BCL2: variants seen among roughly 807,000 people sequenced by gnomAD.
BCL2 encodes BCL2 apoptosis regulator.
Under a neutral mutation model 14.2 loss-of-function variants are expected in BCL2, and 1 was observed. The observed-to-expected ratio is 0.07, with a 90% CI of 0.02 to 0.33. The LOEUF (loss-of-function observed/expected upper bound fraction) is 0.33, where lower values mean the gene tolerates loss of function less well. BCL2 is among the 10% of genes least tolerant of loss of function. The pLI is 0.99. For missense variants in BCL2, 247 were observed against 305.9 expected, an observed-to-expected ratio of 0.81 and a Z score of 1.44; for synonymous variants, 151 against 137.2, an observed-to-expected ratio of 1.10 and a Z score of -0.70.
At chr18:63,249,700 A>G (rs917555739) in intron 2 of BCL2, among the ~76,000 whole-genome samples, 2 of 116,556 alleles carry the variant, frequency 1.7e-5, no homozygotes, top group Non-Finnish European at 3.4e-5. Flanking sequence ...ACAGAGTAAG[A>G]CTCCGCCTCA....
At chr18:63,186,176 C>T (rs1455472054) in intron 2 of BCL2, among the ~76,000 whole-genome samples, 2 of 152,170 alleles carry the variant, frequency 1.3e-5, no homozygotes, top group African/African-American at 4.8e-5. Flanking sequence ...ATAGCACTTG[C>T]TTTTCTCTGT....
At chr18:63,130,414 T>C (rs1203873056) in intron 2 of BCL2, among the ~76,000 whole-genome samples, 2 of 152,184 alleles carry the variant, frequency 1.3e-5, no homozygotes, top group Non-Finnish European at 2.9e-5. Flanking sequence ...AGGGATTCTC[T>C]TTGTCTCCCT....
At chr18:63,237,370 G>C (rs1044777969) in intron 2 of BCL2, among the ~76,000 whole-genome samples, 2 of 152,176 alleles carry the variant, frequency 1.3e-5, no homozygotes, top group Non-Finnish European at 2.9e-5. Context: ...TAATAGGGCG[G>C]ATGACCAAGG....
chr18:63,213,526 C>CCCCA (rs138572582), intron 2 of BCL2, among the ~76,000 whole-genome samples: 3 of 147,578 alleles, frequency 2.0e-5, no homozygotes, highest in Non-Finnish European at 4.5e-5. Flanking sequence ...ACACATTAAA[C>CCCCA]CACACACACA....
chr18:63,294,968 C>A (rs201208598), intron 2 of BCL2, among the ~76,000 whole-genome samples: 50 of 146,942 alleles, frequency 3.4e-4, no homozygotes, highest in African/African-American at 1.3e-3. Context: ...CTGGCCAAGA[C>A]GGTGAAACCC....
intron 2 of BCL2, among the ~76,000 whole-genome samples, chr18:63,208,554 A>G (rs1021252774): frequency 6.6e-6 from 1 of 152,102 alleles, no homozygotes; most frequent in Admixed American, 6.5e-5. Flanking sequence ...CAAAGCTGAG[A>G]AGAGGGTAAG....
rs188247470 is a variant in BCL2 at position 63,228,684 on chromosome 18, G to T, written c.585+89398C>A. Among the ~76,000 whole-genome samples the T allele has an allele frequency of 9.7e-3, 1,455 of 149,744 alleles. 18 individuals carry two copies. Among genetic ancestry groups the T allele is most frequent in the African/African-American group, 0.034 (1,379 of 40,752 alleles). The stretch of plus-strand genomic sequence containing the variant: ...AGTGAATGAATAAATGAACGGATCT[G>T]ATAAAACAGACTTTACAGCCAAAAG... On this transcript the variant is annotated intron_variant, in intron 2 of 2. Coordinates refer to ENST00000333681, the MANE Select transcript of BCL2 (RefSeq NM_000633.3).
In BCL2 at chr18:63,145,082, G is replaced by A. The variant is rs1006026623; in HGVS notation, c.586-16323C>T. Among the ~76,000 whole-genome samples, 3 of 152,316 alleles carry A rather than the reference G, an allele frequency of 2.0e-5. No individual in the cohort carries two copies. The East Asian group carries it at 5.8e-4, about 29-fold the overall frequency. Reference sequence around the variant, plus strand: ...TTCAGGAAAAGCCCTCCTATTTACAGGGCTGCTTCACAGGGAATTCTAGAA... The same window carrying A: ...TTCAGGAAAAGCCCTCCTATTTACAAGGCTGCTTCACAGGGAATTCTAGAA... On this transcript the variant is annotated intron_variant, in intron 2 of 2. Coordinates refer to ENST00000333681, the MANE Select transcript of BCL2 (RefSeq NM_000633.3).
rs566496461 is a variant in BCL2 at position 63,304,961 on chromosome 18, A to G, written c.585+13121T>C. On this transcript the variant is annotated intron_variant, in intron 2 of 2. Coordinates refer to ENST00000333681, the MANE Select transcript of BCL2 (RefSeq NM_000633.3). ...AGTCACACATGTTCATCTAATTCCAATTGGCCCCTGTTGAAAGGGGCTGTT... is the reference window on the plus strand; with the variant it reads ...AGTCACACATGTTCATCTAATTCCAGTTGGCCCCTGTTGAAAGGGGCTGTT... Among the ~76,000 whole-genome samples the G allele has an allele frequency of 2.0e-5, 3 of 152,320 alleles. No individual in the cohort carries two copies. The East Asian group carries it at 5.8e-4, about 29-fold the overall frequency.
intron 2 of BCL2, among the ~76,000 whole-genome samples, chr18:63,274,956 A>C (rs1198946941): frequency 6.6e-6 from 1 of 152,168 alleles, no homozygotes; most frequent in Non-Finnish European, 1.5e-5. Flanking sequence ...GGGCCCAAAC[A>C]CCTATTGACC....
intron 2 of BCL2, among the ~76,000 whole-genome samples, chr18:63,256,079 A>T (rs1163087241): frequency 6.6e-6 from 1 of 152,214 alleles, no homozygotes; most frequent in Non-Finnish European, 1.5e-5. Context: ...CATTTAGTCA[A>T]TAATATTCCA....
chr18:63,171,195 A>C (rs1915213110), intron 2 of BCL2, among the ~76,000 whole-genome samples: 1 of 152,236 alleles, frequency 6.6e-6, no homozygotes, highest in African/African-American at 2.4e-5. Flanking sequence ...AGAGTTTACT[A>C]GTGTAATTTT....
intron 2 of BCL2, among the ~76,000 whole-genome samples, chr18:63,270,712 T>A (rs1911980990): frequency 6.6e-6 from 1 of 152,198 alleles, no homozygotes; most frequent in Non-Finnish European, 1.5e-5. Flanking sequence ...TTTTGAACCA[T>A]GATAACATGT....
intron 2 of BCL2, among the ~76,000 whole-genome samples, chr18:63,228,727 T>C (rs75086193): frequency 1.0e-4 from 14 of 136,326 alleles, no homozygotes; most frequent in East Asian, 8.4e-4. Flanking sequence ...TTTTTTTTTT[T>C]GAGACAGAAT....
At chr18:63,163,790 C>T (rs908885847) in intron 2 of BCL2, among the ~76,000 whole-genome samples, 8 of 152,312 alleles carry the variant, frequency 5.3e-5, no homozygotes, top group African/African-American at 1.9e-4. Context: ...CCCCACTTCA[C>T]ACATGAGGAG....
chr18:63,305,051 T>G (rs144604347), intron 2 of BCL2, among the ~76,000 whole-genome samples: 32 of 152,300 alleles, frequency 2.1e-4, no homozygotes, highest in Admixed American at 4.6e-4. Context: ...TCAGCTCATG[T>G]CCAAGCCCGC....
At chr18:63,155,190 C>T (rs551672654) in intron 2 of BCL2, among the ~76,000 whole-genome samples, 34 of 152,264 alleles carry the variant, frequency 2.2e-4, no homozygotes, top group African/African-American at 6.5e-4. Context: ...ACAGGGCGGG[C>T]AGAGGTGGCA....
chr18:63,193,627 T>C (rs113237723), intron 2 of BCL2, among the ~76,000 whole-genome samples: 84,862 of 144,850 alleles, frequency 0.59, 25,159 homozygotes, highest in Non-Finnish European at 0.67. Context: ...CACACACACA[T>C]ACAAATACAC....
chr18:63,256,959 GA>G (rs1479257006), intron 2 of BCL2, among the ~76,000 whole-genome samples: 2 of 152,156 alleles, frequency 1.3e-5, no homozygotes, highest in African/African-American at 4.8e-5. Flanking sequence ...AAAAATGAGG[GA>G]AAGTAATGAG....
Sources: allele counts gnomAD v4.1 joint callset (sites outside exome capture counted in the v4.1 genomes callset), GRCh38; gene constraint gnomAD v4.1.1; transcripts MANE v1.5; gene names NCBI Gene and HGNC (gene_info 2026-07-23, HGNC 2026-07-21).